KIF14: variants seen among roughly 807,000 people sequenced by gnomAD.
The protein encoded by KIF14 is kinesin-like protein KIF14.
KIF14 carries 98 observed loss-of-function variants against 176.2 expected under a neutral mutation model. That is an observed-to-expected ratio of 0.56 (90% CI 0.47 to 0.66). The LOEUF is 0.66. Among genes scored for constraint, KIF14 ranks in the 30% least tolerant of loss-of-function variants. KIF14 has a pLI of 0.00. For missense variants in KIF14, 1,751 were observed against 1,920.4 expected, an observed-to-expected ratio of 0.91 and a Z score of 1.65; for synonymous variants, 566 against 632.2, an observed-to-expected ratio of 0.90 and a Z score of 1.57.
chr1:200,614,470 G>T, intron 3 of KIF14, 65 bp from the exon 4 acceptor site: 3 of 1,016,334 alleles, frequency 3.0e-6, no homozygotes, highest in Non-Finnish European at 3.0e-6. Flanking sequence ...TCTTTTTGGG[G>T]AAATAGGCTG....
At chr1:200,556,780 T>C (rs1046139881) in intron 27 of KIF14, among the ~76,000 whole-genome samples, 1 of 152,210 alleles carries the variant, frequency 6.6e-6, no homozygotes, top group African/African-American at 2.4e-5. Context: ...TTTGCAAATA[T>C]GGTGAAGTGT....
chr1:200,556,943 T>C (rs1656863739), intron 27 of KIF14, among the ~76,000 whole-genome samples: 1 of 152,238 alleles, frequency 6.6e-6, no homozygotes. Context: ...GCAAGCTTGA[T>C]TTAGTGACAA....
Position 200,618,302 on chromosome 1 carries a change from A to G in KIF14, c.422T>C (p.Val141Ala). ...ACCTCCCACATTCAGTGTCATTTTG[A>G]CAGAATCTATTTCAGCTGTTTTCCA... ...EKWKTAEIDS[V>A]KMTLNVGGET... The change falls in exon 2 of 30, where the codon GTC becomes GCC. Residue 141 changes from valine (V) to alanine (A), a missense_variant. Val to Ala is a moderately conservative substitution (Grantham distance 64). Coordinates refer to ENST00000367350, the MANE Select transcript of KIF14 (RefSeq NM_014875.3). 6.2e-7 allele frequency: 1 copy of G among 1,613,856 alleles called. No homozygotes were observed. Among genetic ancestry groups the G allele is most frequent in the South Asian group, 1.1e-5 (1 of 91,080 alleles).
rs1266074626 is a variant in KIF14, at chr1:200,580,355, C to A, written c.3364G>T (p.Asp1122Tyr). 1.3e-6 allele frequency: 2 copies of A among 1,516,774 alleles called. No homozygotes were observed. The highest frequency in any genetic ancestry group is 1.4e-5 in the South Asian group (1 of 73,802). 94.0% of individuals were successfully genotyped at this position (1,516,774 alleles called of 1,614,324 possible). A position where few individuals can be genotyped will look rare whatever the true frequency, so the allele number is the denominator to read the frequency against. Residue 1122 changes from aspartate to tyrosine, a missense_variant, in exon 21 of 30, where the codon GAC (aspartate) becomes TAC (tyrosine). Transcript: ENST00000367350. Reference protein sequence around the residue: ...RHDISDKSSSDTSIRVRNLKL... With the variant: ...RHDISDKSSSYTSIRVRNLKL... ...AGGTTACGAACCCGAATAGAAGTGT[C>A]AGAACTACTTTTATCTGATATATCA...
intron 13 of KIF14, 55 bp downstream of exon 13, chr1:200,599,995 A>C: frequency 9.4e-7 from 1 of 1,061,158 alleles, no homozygotes; most frequent in Non-Finnish European, 1.4e-6. Context: ...GGCAATATTT[A>C]TTTCTTGGCA....
At chr1:200,618,884 C>A in intron 1 of KIF14, 46 bp from the exon 2 acceptor site, 1 of 594,868 alleles carries the variant, frequency 1.7e-6, no homozygotes, top group Non-Finnish European at 2.9e-6. Flanking sequence ...TACAAACAAG[C>A]TTTAAAAATA....
intron 21 of KIF14, among the ~76,000 whole-genome samples, chr1:200,577,657 C>T (rs1658197524): frequency 6.7e-6 from 1 of 150,124 alleles, no homozygotes; most frequent in African/African-American, 2.5e-5. Context: ...GCCGAAATCG[C>T]ACCACTGCAC....
At chr1:200,578,977 G>A (rs561105697) in intron 21 of KIF14, among the ~76,000 whole-genome samples, 24 of 152,286 alleles carry the variant, frequency 1.6e-4, no homozygotes, top group African/African-American at 5.1e-4. Flanking sequence ...TGTAGTCCCA[G>A]CTACTCAGGC....
chr1:200,556,652 A>G (rs1656843860), intron 27 of KIF14, among the ~76,000 whole-genome samples: 1 of 152,230 alleles, frequency 6.6e-6, no homozygotes, highest in Non-Finnish European at 1.5e-5. Flanking sequence ...ACAGCTTACT[A>G]AACACATTCC....
At position 200,596,561 on chromosome 1, in the gene KIF14, CTTTTTTTTTT is replaced by C. The variant is rs60386347; in HGVS notation, c.2549+1666_2549+1675del. On this transcript the variant is annotated intron_variant, in intron 14 of 29. Transcript: ENST00000367350. ...CTCTATGACCTCAATGTACAACAGTCTTTTTTTTTTTTTTTTTTTTTGAGTTAGAGTCTCA... is the reference window on the plus strand; with the variant it reads ...CTCTATGACCTCAATGTACAACAGTCTTTTTTTTTTTGAGTTAGAGTCTCA... Among the ~76,000 whole-genome samples, 3 of 102,712 alleles carry C rather than the reference CTTTTTTTTTT, an allele frequency of 2.9e-5. No homozygotes were observed. In the Admixed American group the frequency reaches 3.5e-4, roughly 12 times the overall value. The allele number at this position is 102,712 out of a possible 152,430, so 67.4% of individuals were successfully genotyped here. A position where few individuals can be genotyped will look rare whatever the true frequency, so the allele number is the denominator to read the frequency against.
intron 18 of KIF14, among the ~76,000 whole-genome samples, chr1:200,587,029 T>G (rs1658786483): frequency 1.3e-5 from 2 of 152,116 alleles, no homozygotes; most frequent in Non-Finnish European, 2.9e-5. Flanking sequence ...CACCAGGGAC[T>G]GGTTTCGTGG....
At chr1:200,582,666 A>G (rs953615940) in intron 19 of KIF14, among the ~76,000 whole-genome samples, 1 of 152,138 alleles carries the variant, frequency 6.6e-6, no homozygotes, top group Admixed American at 6.5e-5. Context: ...CCTGGCCATC[A>G]TGGTGAAACA....
intron 19 of KIF14, among the ~76,000 whole-genome samples, chr1:200,585,656 G>A (rs1001468287): frequency 1.3e-5 from 2 of 152,034 alleles, no homozygotes; most frequent in Admixed American, 1.3e-4. Context: ...TTCCAGCGTC[G>A]GTCAGGTTCT....
At chr1:200,584,769 T>A (rs1043665647) in intron 19 of KIF14, among the ~76,000 whole-genome samples, 5 of 152,194 alleles carry the variant, frequency 3.3e-5, no homozygotes, top group Non-Finnish European at 7.3e-5. Flanking sequence ...AGCTGAAAGC[T>A]TTTCCTTTAA....
chr1:200,581,526 A>T (rs1051567098), intron 19 of KIF14, among the ~76,000 whole-genome samples: 2 of 152,152 alleles, frequency 1.3e-5, no homozygotes, highest in Non-Finnish European at 2.9e-5. Context: ...GATATAAAAA[A>T]GATAAGCCAA....
At chr1:200,596,557 C>A (rs1659347711) in intron 14 of KIF14, among the ~76,000 whole-genome samples, 2 of 127,882 alleles carry the variant, frequency 1.6e-5, no homozygotes, top group South Asian at 2.5e-4. Context: ...CAATGTACAA[C>A]AGTCTTTTTT....
At chr1:200,619,204 C>T (rs539292666) in intron 1 of KIF14, among the ~76,000 whole-genome samples, 2 of 152,136 alleles carry the variant, frequency 1.3e-5, no homozygotes, top group East Asian at 3.9e-4. Flanking sequence ...CATAGATTTT[C>T]AAGTACTTCC....
Position 200,553,620 on chromosome 1 carries a change from T to A in KIF14, c.4715A>T (p.Glu1572Val), listed in dbSNP as rs375065489. 6.2e-7 allele frequency: 1 copy of A among 1,614,124 alleles called. No homozygotes were observed. The highest frequency in any genetic ancestry group is 1.1e-5 in the South Asian group (1 of 91,080). The change falls in exon 30 of 30, where the codon GAA becomes GTA. Residue 1572 changes from glutamate to valine, a missense_variant. Glu to Val is a moderately radical substitution (Grantham distance 121, BLOSUM62 -2). Transcript: ENST00000367350. Reference protein sequence around the residue: ...RVTHIVHQELESLAKSLLFCF... With the variant: ...RVTHIVHQELVSLAKSLLFCF... ...AAAGAGGAGAGACTTAGCTAGAGAT[T>A]CTAGTTCCTGGTGGACAATGTGAGT...
intron 4 of KIF14, among the ~76,000 whole-genome samples, chr1:200,611,644 C>G (rs1271386722): frequency 6.6e-6 from 1 of 152,196 alleles, no homozygotes; most frequent in South Asian, 2.1e-4. Flanking sequence ...TGGGGCCACA[C>G]TGGAGAGGTC....
Sources: allele counts gnomAD v4.1 joint callset (sites outside exome capture counted in the v4.1 genomes callset), GRCh38; gene constraint gnomAD v4.1.1; transcripts MANE v1.5; gene names NCBI Gene and HGNC (gene_info 2026-07-23, HGNC 2026-07-21).